Variants in FANCM observed in about 807,000 individuals in gnomAD.
The protein encoded by FANCM is Fanconi anemia group M protein.
FANCM carries 140 observed loss-of-function variants against 199.5 expected under a neutral mutation model. The ratio of observed to expected loss-of-function variants is 0.70; its 90% CI spans 0.61 to 0.81. FANCM has a LOEUF of 0.81. Among genes scored for constraint, FANCM ranks in the 30% least tolerant of loss-of-function variants. FANCM has a pLI of 0.00. For synonymous variants in FANCM, 840 were observed against 836.8 expected (o/e 1.00, Z -0.07); for missense variants, 2,410 against 2,421.4 (o/e 1.00, Z 0.10).
chr14:45,152,599 G>A (rs1886905233), intron 5 of FANCM, among the ~76,000 whole-genome samples: 2 of 152,216 alleles, frequency 1.3e-5, no homozygotes, highest in East Asian at 1.9e-4. Context: ...GCACCGAGTC[G>A]ATCTTTGAAC....
chr14:45,194,253 G>C (rs1232422005), intron 20 of FANCM, among the ~76,000 whole-genome samples: 1 of 149,908 alleles, frequency 6.7e-6, no homozygotes, highest in Non-Finnish European at 1.5e-5. Context: ...AGTGAGCTGA[G>C]ACTGCACCAT....
At chr14:45,186,016 AG>A (rs1420587570) in intron 18 of FANCM, among the ~76,000 whole-genome samples, 1 of 152,094 alleles carries the variant, frequency 6.6e-6, no homozygotes, top group Non-Finnish European at 1.5e-5. Flanking sequence ...CTCCTGCTTT[AG>A]CCTCCTATAG....
At chr14:45,148,200 AACACACACACACAC>A (rs200351777) in intron 3 of FANCM, among the ~76,000 whole-genome samples, 1 of 142,354 alleles carries the variant, frequency 7.0e-6, no homozygotes, top group African/African-American at 2.6e-5. Context: ...CCGTCTCAAA[AACACACACACACAC>A]ACACACACAC....
In FANCM at chr14:45,200,840, C is replaced by T. The variant is rs1269875539; in HGVS notation, c.*832C>T. The T allele has an allele frequency of 2.0e-5, 3 of 152,172 alleles. No homozygotes were observed. Among genetic ancestry groups the T allele is most frequent in the Non-Finnish European group, 2.9e-5 (2 of 68,068 alleles). The allele number at this position is 152,172 out of a possible 1,614,324, so 9.4% of individuals were successfully genotyped here. A position where few individuals can be genotyped will look rare whatever the true frequency, so the allele number is the denominator to read the frequency against. On this transcript the variant is annotated 3_prime_UTR_variant, in exon 23 of 23. Transcript: ENST00000267430. ...CATGATTGTAAGTTCCCGAGGCCTC[C>T]CCAGCCATGCAGGACTGTGAGTCAA...
chr14:45,168,562 A>G (rs917773600), intron 11 of FANCM, among the ~76,000 whole-genome samples: 4 of 150,908 alleles, frequency 2.7e-5, no homozygotes, highest in Admixed American at 6.6e-5. Context: ...ACTTATGTTC[A>G]TTTTTCTATA....
chr14:45,155,718 G>GA (rs1429149998), intron 8 of FANCM, among the ~76,000 whole-genome samples: 1 of 152,230 alleles, frequency 6.6e-6, no homozygotes, highest in Non-Finnish European at 1.5e-5. Flanking sequence ...AGAATCGCTT[G>GA]AACCTGGGAG....
In FANCM at chr14:45,136,248, G is replaced by T; in HGVS notation, c.217G>T (p.Gly73Cys). Residue 73 changes from glycine (G) to cysteine (C), a missense_variant, in exon 1 of 23, where the codon GGC (glycine) becomes TGC (cysteine). Transcript: ENST00000267430. ...EAERQLCLENGGFCTSAGALW... is the reference protein window; with the variant it reads ...EAERQLCLENCGFCTSAGALW... ...TGAGCGGCAGTTGTGTCTAGAGAATGGCGGGTTCTGCACCTCCGCGGGCGC... is the reference window on the plus strand; with the variant it reads ...TGAGCGGCAGTTGTGTCTAGAGAATTGCGGGTTCTGCACCTCCGCGGGCGC... 3 of 1,614,156 alleles carry T rather than the reference G, an allele frequency of 1.9e-6. No individual in the cohort carries two copies. The highest frequency in any genetic ancestry group is 2.5e-6 in the Non-Finnish European group (3 of 1,180,036).
At chr14:45,158,528 A>G (rs1421205926) in intron 8 of FANCM, among the ~76,000 whole-genome samples, 1 of 151,604 alleles carries the variant, frequency 6.6e-6, no homozygotes, top group East Asian at 1.9e-4. Context: ...AAAGTATAGT[A>G]GATTTGAGGA....
chr14:45,143,115 GT>G (rs1260088619), intron 3 of FANCM, among the ~76,000 whole-genome samples: 1 of 149,838 alleles, frequency 6.7e-6, no homozygotes, highest in African/African-American at 2.5e-5. Context: ...TATTAAGATT[GT>G]TCCAGCTTTG....
chr14:45,199,517 C>T (rs1890247176), intron 22 of FANCM, among the ~76,000 whole-genome samples: 2 of 152,182 alleles, frequency 1.3e-5, no homozygotes, highest in Non-Finnish European at 2.9e-5. Context: ...AGCTAGCTAG[C>T]TCTTTGACCT....
In FANCM at chr14:45,159,088, AT is replaced by A; in HGVS notation, c.1397-7del. 1 of 1,535,084 alleles carries A rather than the reference AT, an allele frequency of 6.5e-7. No homozygotes were observed. Among genetic ancestry groups the A allele is most frequent in the Non-Finnish European group, 8.9e-7 (1 of 1,119,826 alleles). On this transcript the variant is annotated splice_polypyrimidine_tract_variant and splice_region_variant and intron_variant, in intron 8 of 22. Transcript: ENST00000267430. ...AGTTGTAATTAAAGTTTTTATATAT[AT>A]ATATAGCTGAAAACACTACTGAAAA... is the stretch of plus-strand genomic sequence containing the variant.
Position 45,170,611 on chromosome 14 carries a change from G to A in FANCM, c.2025G>A (p.Lys675=), listed in dbSNP as rs1888275752. The A allele has an allele frequency of 3.7e-6, 6 of 1,600,228 alleles. No individual in the cohort carries two copies. Among genetic ancestry groups the A allele is most frequent in the Non-Finnish European group, 3.4e-6 (4 of 1,167,972 alleles). The change falls in exon 12 of 23, where the codon AAG becomes AAA. Residue 675 remains lysine, a synonymous_variant. Coordinates refer to ENST00000267430, the MANE Select transcript of FANCM (RefSeq NM_020937.4). ...TAGGAATGAGGCAAAGTAGCCTAAA[G>A]AAAGATTGGTTCTTATCAGAAGAAG... ...YRDGMRQSSL[K]KDWFLSEEEF...
intron 20 of FANCM, 45 bp downstream of exon 20, chr14:45,189,407 AGTTTTTCTTTTTCTTTCTTGTGTGTGT>A: frequency 6.9e-7 from 1 of 1,441,566 alleles, no homozygotes; most frequent in Non-Finnish European, 9.7e-7. Flanking sequence ...GGTTACCAGA[AGTTTTTCTTTTTCTTTCTTGTGTGTGT>A]GTTTTGTATT....
chr14:45,185,685 T>C (rs1419301016), intron 18 of FANCM, among the ~76,000 whole-genome samples: 1 of 152,148 alleles, frequency 6.6e-6, no homozygotes, highest in Non-Finnish European at 1.5e-5. Flanking sequence ...AAGAACCATA[T>C]ATGAATGAAC....
rs945079138 is a variant in FANCM at position 45,167,115 on chromosome 14, C to T, written c.1954C>T (p.Pro652Ser). 1.9e-6 allele frequency: 3 copies of T among 1,613,690 alleles called. No individual in the cohort carries two copies. The highest frequency in any genetic ancestry group is 1.1e-5 in the South Asian group (1 of 91,080). Residue 652 changes from proline (P) to serine (S), a missense_variant, in exon 11 of 23, where the codon CCT becomes TCT. By Grantham distance (74) the Pro-to-Ser change is moderately conservative. Transcript: ENST00000267430. ...ACATGGTGTCTATGAACCAGAGAAGCCTTCTCGGAACTTGCAGCGAAAGTC... is the reference window on the plus strand; with the variant it reads ...ACATGGTGTCTATGAACCAGAGAAGTCTTCTCGGAACTTGCAGCGAAAGTC... Reference protein sequence around the residue: ...ITHGVYEPEKPSRNLQRKSSI... With the variant: ...ITHGVYEPEKSSRNLQRKSSI...
At chr14:45,167,525 C>G in intron 11 of FANCM, 2 of 207,350 alleles carry the variant, frequency 9.6e-6, no homozygotes, top group South Asian at 1.6e-4. Context: ...AAAGAAATTC[C>G]CTATATGTAT....
intron 14 of FANCM, among the ~76,000 whole-genome samples, chr14:45,178,806 A>T (rs1355827634): frequency 2.6e-5 from 4 of 152,222 alleles, no homozygotes; most frequent in Admixed American, 2.6e-4. Flanking sequence ...TGTTTAACAA[A>T]GTACCCCCAA....
chr14:45,196,451 A>G lies in FANCM; in HGVS notation c.5620A>G (p.Ser1874Gly). ...GAGGTCTCAATCTGAGATGTTAAATAGTGTCAATAAGAACAAGTTCATTGA... is the reference window on the plus strand; with the variant it reads ...GAGGTCTCAATCTGAGATGTTAAATGGTGTCAATAAGAACAAGTTCATTGA... ...ERRSQSEMLN[S>G]VNKNKFIEQI... The change falls in exon 21 of 23, where the codon AGT (serine) becomes GGT (glycine). Residue 1874 changes from serine (S) to glycine (G), a missense_variant. By Grantham distance (56) the Ser-to-Gly change is moderately conservative. Coordinates refer to ENST00000267430, the MANE Select transcript of FANCM (RefSeq NM_020937.4). The G allele has an allele frequency of 6.2e-7, 1 of 1,614,140 alleles. No individual in the cohort carries two copies. Among genetic ancestry groups the G allele is most frequent in the African/African-American group, 1.3e-5 (1 of 75,056 alleles).
At chr14:45,158,004 C>G (rs894502580) in intron 8 of FANCM, among the ~76,000 whole-genome samples, 3 of 152,032 alleles carry the variant, frequency 2.0e-5, no homozygotes, top group Non-Finnish European at 4.4e-5. Flanking sequence ...CGAGACCAGC[C>G]TTGGCAACAT....
Sources: allele counts gnomAD v4.1 joint callset (sites outside exome capture counted in the v4.1 genomes callset), GRCh38; gene constraint gnomAD v4.1.1; transcripts MANE v1.5; gene names NCBI Gene and HGNC (gene_info 2026-07-23, HGNC 2026-07-21).